Variants in DYSF observed in about 807,000 individuals in gnomAD.
DYSF encodes dysferlin, also known as dystrophy-associated fer-1-like 1.
In DYSF, 212 loss-of-function variants were observed where a neutral mutation model predicts 274.9. The observed-to-expected ratio is 0.77, with a 90% CI of 0.69 to 0.86. The LOEUF (loss-of-function observed/expected upper bound fraction) is 0.86. Ranked by LOEUF, DYSF falls within the 40% of genes least tolerant of loss-of-function variation. The pLI is 0.00. For missense variants in DYSF, 2,666 were observed against 2,783.2 expected (o/e 0.96, Z 0.95); for synonymous variants, 1,091 against 1,078.7 (o/e 1.01, Z -0.22).
intron 33 of DYSF, 124 bp from the exon 34 acceptor site, chr2:71,600,578 A>T: frequency 7.5e-7 from 1 of 1,338,624 alleles, no homozygotes; most frequent in Non-Finnish European, 1.1e-6. Flanking sequence ...ATTCTGTGGG[A>T]GGGGGTGCCC....
intron 1 of DYSF, among the ~76,000 whole-genome samples, chr2:71,480,338 C>T (rs1048354002): frequency 7.2e-5 from 11 of 151,794 alleles, no homozygotes; most frequent in African/African-American, 2.4e-4. Context: ...GTTCCAGACC[C>T]GTCTGGGCAA....
At position 71,590,192 on chromosome 2, in the gene DYSF, G is replaced by A. The variant is rs373805427; in HGVS notation, c.3497-19G>A. On this transcript the variant is annotated intron_variant, in intron 31 of 55. Coordinates refer to ENST00000410020, the MANE Select transcript of DYSF (RefSeq NM_001130987.2). ...TCCAGCCACTCACTCTGGCACCTCT[G>A]TTTTTTCCCTTGGTGAAGATGGGAA... is the stretch of plus-strand genomic sequence containing the variant. 5.2e-5 allele frequency: 84 copies of A among 1,613,908 alleles called. No individual in the cohort carries two copies. Among genetic ancestry groups the A allele is most frequent in the Non-Finnish European group, 6.9e-5 (81 of 1,179,950 alleles).
At chr2:71,680,922 G>GT in intron 53 of DYSF, 79 bp from the exon 54 acceptor site, 3 of 1,233,716 alleles carry the variant, frequency 2.4e-6, no homozygotes, top group East Asian at 4.7e-5. Flanking sequence ...TGGCCCTTAT[G>GT]TTTTTTCTGG....
chr2:71,654,032 A>G (rs1482081260), intron 42 of DYSF, among the ~76,000 whole-genome samples: 3 of 152,234 alleles, frequency 2.0e-5, no homozygotes, highest in Non-Finnish European at 4.4e-5. Flanking sequence ...AATATCCTTT[A>G]TATACCAAGA....
At position 71,600,761 on chromosome 2, in the gene DYSF, G is replaced by A; in HGVS notation, c.3816G>A (p.Arg1272=). 2 of 1,613,808 alleles carry A rather than the reference G, an allele frequency of 1.2e-6. No individual in the cohort carries two copies. Among genetic ancestry groups the A allele is most frequent in the Non-Finnish European group, 1.7e-6 (2 of 1,180,040 alleles). Residue 1272 remains arginine (R), a synonymous_variant, in exon 34 of 56, where the codon CGG becomes CGA. Coordinates refer to ENST00000410020, the MANE Select transcript of DYSF (RefSeq NM_001130987.2). ...AACCGAGTCTGGAACGGATGCCACG[G>A]CTGGCCTGGTTCCCACTGACGAGGG... The part of the protein sequence containing the change: ...ICQPSLERMP[R]LAWFPLTRGS...
chr2:71,664,197 C>G (rs1024363375), intron 45 of DYSF, 71 bp from the exon 46 acceptor site: 17 of 1,605,054 alleles, frequency 1.1e-5, no homozygotes, highest in Non-Finnish European at 1.4e-5. Flanking sequence ...TAGTTTCGAG[C>G]TCTTGTCCTG....
chr2:71,618,301 AGGT>A (rs1221585756), intron 40 of DYSF, among the ~76,000 whole-genome samples: 1 of 78,530 alleles, frequency 1.3e-5, no homozygotes, highest in Non-Finnish European at 2.3e-5. Context: ...TGTGTGGTAG[AGGT>A]GGTGTGTGTG....
chr2:71,476,684 T>C (rs2082418784), intron 1 of DYSF, among the ~76,000 whole-genome samples: 1 of 152,184 alleles, frequency 6.6e-6, no homozygotes, highest in African/African-American at 2.4e-5. Context: ...GTTTGAATCC[T>C]CCTGTACATG....
chr2:71,617,344 G>A (rs952101169), intron 40 of DYSF, among the ~76,000 whole-genome samples: 5 of 152,226 alleles, frequency 3.3e-5, no homozygotes, highest in Non-Finnish European at 7.3e-5. Context: ...TCATTAACAA[G>A]GAGACCAAAC....
At chr2:71,501,940 A>G (rs2085014446) in intron 3 of DYSF, among the ~76,000 whole-genome samples, 1 of 152,104 alleles carries the variant, frequency 6.6e-6, no homozygotes, top group African/African-American at 2.4e-5. Flanking sequence ...ATCATATGCT[A>G]ATTCTAGGTT....
intron 41 of DYSF, among the ~76,000 whole-genome samples, chr2:71,635,748 CAAAAAA>C (rs753590151): frequency 4.3e-5 from 3 of 69,706 alleles, no homozygotes; most frequent in Non-Finnish European, 7.7e-5. Context: ...GACTCTGTCT[CAAAAAA>C]AAAAAAAAAA....
In DYSF at chr2:71,674,337, T is replaced by C. The variant is rs1236503315; in HGVS notation, c.5884+41T>C. The stretch of plus-strand genomic sequence containing the variant: ...AGAATCCCATTCTGCACATGGGGGC[T>C]GCCCCAGAACCCACACTGTGTGTTT... On this transcript the variant is annotated intron_variant, in intron 52 of 55. Coordinates refer to ENST00000410020, the MANE Select transcript of DYSF (RefSeq NM_001130987.2). The C allele has an allele frequency of 2.5e-6, 4 of 1,588,178 alleles. No individual in the cohort carries two copies. In the African/African-American group the frequency reaches 4.0e-5, roughly 16 times the overall value.
intron 32 of DYSF, among the ~76,000 whole-genome samples, chr2:71,596,063 C>G (rs2093399419): frequency 1.3e-5 from 2 of 150,518 alleles, no homozygotes; most frequent in African/African-American, 4.9e-5. Flanking sequence ...CCCCTGCACA[C>G]AGTAGCCCAG....
chr2:71,517,018 T>C lies in DYSF; in HGVS notation c.981T>C (p.Asp327=). The change falls in exon 10 of 56, where the codon GAT becomes GAC. Residue 327 remains aspartate, a synonymous_variant. Transcript: ENST00000410020. ...TAGACTCTCGTTCTCTCAGGACAGATGCTCTCCTCGGGGAGTTCCGGGTAA... is the reference window on the plus strand; with the variant it reads ...TAGACTCTCGTTCTCTCAGGACAGACGCTCTCCTCGGGGAGTTCCGGGTAA... ...TVVDSRSLRT[D]ALLGEFRMDV... The C allele has an allele frequency of 6.2e-7, 1 of 1,614,212 alleles. No homozygotes were observed. Among genetic ancestry groups the C allele is most frequent in the Non-Finnish European group, 8.5e-7 (1 of 1,180,024 alleles).
intron 29 of DYSF, among the ~76,000 whole-genome samples, chr2:71,571,161 GCACACCCAAAGAT>G (rs1387936544): frequency 2.9e-5 from 4 of 138,710 alleles, no homozygotes; most frequent in Admixed American, 1.5e-4. Context: ...ATCACACCCA[GCACACCCAAAGAT>G]CACACCCAGC....
intron 3 of DYSF, among the ~76,000 whole-genome samples, chr2:71,497,932 G>T (rs960088465): frequency 2.0e-5 from 3 of 152,120 alleles, no homozygotes; most frequent in African/African-American, 7.2e-5. Flanking sequence ...TTCTTCTGGA[G>T]CCTCAGTAAA....
chr2:71,513,453 C>T (rs976869602), intron 6 of DYSF, 121 bp downstream of exon 6: 17 of 1,081,826 alleles, frequency 1.6e-5, no homozygotes, highest in East Asian at 7.8e-5. Flanking sequence ...CAGGACTTGG[C>T]GGGTGGGAGG....
intron 41 of DYSF, among the ~76,000 whole-genome samples, chr2:71,633,585 G>A (rs1195044045): frequency 6.6e-6 from 1 of 152,104 alleles, no homozygotes; most frequent in Non-Finnish European, 1.5e-5. Context: ...TTACTATCTT[G>A]ATGATGATGA....
Position 71,606,176 on chromosome 2 carries a change from G to A in DYSF, c.3957+3371G>A, listed in dbSNP as rs189031304. 1.3e-4 allele frequency among the ~76,000 whole-genome samples: 20 copies of A among 152,290 alleles called. 1 individual carries two copies. Among genetic ancestry groups the A allele is most frequent in the Non-Finnish European group, 8.8e-5 (6 of 68,030 alleles). ...TTGGTTCTTCGTGGTAAACTGGCCAGCGGGACTGATAGACTGAAGTGGGCT... is the reference window on the plus strand; with the variant it reads ...TTGGTTCTTCGTGGTAAACTGGCCAACGGGACTGATAGACTGAAGTGGGCT... On this transcript the variant is annotated intron_variant, in intron 36 of 55. Transcript: ENST00000410020.
Sources: allele counts gnomAD v4.1 joint callset (sites outside exome capture counted in the v4.1 genomes callset), GRCh38; gene constraint gnomAD v4.1.1; transcripts MANE v1.5; gene names NCBI Gene and HGNC (gene_info 2026-07-23, HGNC 2026-07-21).